GTPBP6: variants seen among roughly 807,000 people sequenced by gnomAD.
GTPBP6 encodes the protein putative GTP-binding protein 6.
Under a neutral mutation model 28.9 loss-of-function variants are expected in GTPBP6, and 33 were observed. That is an observed-to-expected ratio of 1.14 (90% CI 0.87 to 1.53). GTPBP6 has a LOEUF of 1.53. Among genes scored for constraint, GTPBP6 ranks in the 40% most tolerant of loss-of-function variants. GTPBP6 has a pLI of 0.00. For synonymous variants in GTPBP6, 231 were observed against 192.7 expected (o/e 1.20, Z -1.65); for missense variants, 507 against 408.3 (o/e 1.24, Z -2.08).
chrX:314,417 CGG>C (rs1340153189), intron 4 of GTPBP6, among the ~76,000 whole-genome samples, 200 bp from the exon 5 acceptor site: 1 of 151,698 alleles, frequency 6.6e-6, no homozygotes, highest in Non-Finnish European at 1.5e-5. Context: ...AGTGGGGAGC[CGG>C]GGGCAGGCAG....
intron 2 of GTPBP6, among the ~76,000 whole-genome samples, chrX:315,670 A>T (rs2070420081): frequency 2.1e-4 from 27 of 130,488 alleles, no homozygotes; most frequent in Admixed American, 3.0e-4. Context: ...ACATCCCGGC[A>T]GGGACACAAA....
At chrX:306,653 C>T (rs111497272) in intron 9 of GTPBP6, among the ~76,000 whole-genome samples, 1 of 146,644 alleles carries the variant, frequency 6.8e-6, no homozygotes, top group Non-Finnish European at 1.5e-5. Flanking sequence ...AGATTAGGCA[C>T]CTGTTGTATG....
At chrX:316,727 C>T (rs1224934005) in intron 2 of GTPBP6, among the ~76,000 whole-genome samples, 187 bp downstream of exon 2, 2 of 152,132 alleles carry the variant, frequency 1.3e-5, no homozygotes, top group Non-Finnish European at 2.9e-5. Flanking sequence ...AATCTCGACA[C>T]AGATAAAGCC....
exon 1 of GTPBP6, chrX:318,625 G>C (rs1177770406): frequency 2.0e-4 from 80 of 397,574 alleles, no homozygotes; most frequent in African/African-American, 1.5e-3. Flanking sequence ...CGCAGGCCCC[G>C]CCCTCCGCCC....
chrX:314,511 C>A (rs1006763401), intron 4 of GTPBP6, among the ~76,000 whole-genome samples: 71 of 151,606 alleles, frequency 4.7e-4, no homozygotes, highest in African/African-American at 1.7e-3. Context: ...CTCGCTCTGT[C>A]ACCCAGGCTG....
rs1269613629 is a variant in GTPBP6 at position 317,591 on chromosome X, C to A, written c.350-540G>T. Among the ~76,000 whole-genome samples the A allele has an allele frequency of 2.7e-5, 4 of 150,134 alleles. No individual in the cohort carries two copies. The East Asian group carries it at 7.8e-4, about 29-fold the overall frequency. Reference sequence around the variant, plus strand: ...GGGTGGGACTAGACACAGATTGGTCCGCTGGACGCCCTCCCTTCCCTGACC... The same window carrying A: ...GGGTGGGACTAGACACAGATTGGTCAGCTGGACGCCCTCCCTTCCCTGACC... On this transcript the variant is annotated intron_variant, in intron 1 of 9. Transcript: ENST00000326153.
intron 7 of GTPBP6, among the ~76,000 whole-genome samples, chrX:310,439 C>G (rs866494952): frequency 0.02 from 2,109 of 103,922 alleles, no homozygotes; most frequent in South Asian, 0.043. Context: ...CTGAAGTGAA[C>G]TGAACTGTGG....
intron 4 of GTPBP6, among the ~76,000 whole-genome samples, chrX:314,463 C>G (rs976581441): frequency 1.3e-5 from 2 of 151,388 alleles, no homozygotes; most frequent in Admixed American, 6.6e-5. Flanking sequence ...AGAGCCCACA[C>G]GGTGCTTTTC....
At position 307,699 on chromosome X, in the gene GTPBP6, G is replaced by A. The variant is rs761030729; in HGVS notation, c.1274+33C>T. 2.1e-5 allele frequency: 31 copies of A among 1,460,164 alleles called. 1 individual carries two copies. In the Middle Eastern group the frequency reaches 7.6e-4, roughly 36 times the overall value. 90.5% of individuals were successfully genotyped at this position (1,460,164 alleles called of 1,614,324 possible). A position where few individuals can be genotyped will look rare whatever the true frequency, so the allele number is the denominator to read the frequency against. On this transcript the variant is annotated intron_variant, in intron 8 of 9. Coordinates refer to ENST00000326153, the Ensembl canonical transcript of GTPBP6. The stretch of plus-strand genomic sequence containing the variant: ...CCCGGCTCCAGCGCGTGCAGGGGAA[G>A]GAGACGCTTGCGGACCCCAGGGCCG...
At chrX:304,968 G>A (rs2070122194) in exon 10 of GTPBP6, 2 of 1,520,874 alleles carry the variant, frequency 1.3e-6, no homozygotes, top group South Asian at 2.5e-5. Context: ...AACCAGACAA[G>A]GAGGACCCTG....
At chrX:317,775 A>C (rs1189465512) in intron 1 of GTPBP6, among the ~76,000 whole-genome samples, 2 of 131,528 alleles carry the variant, frequency 1.5e-5, no homozygotes, top group Admixed American at 8.1e-5. Context: ...TCCACCCCAT[A>C]AGCTCCGCCC....
At chrX:310,893 G>A (rs1423034993) in intron 7 of GTPBP6, among the ~76,000 whole-genome samples, 8 of 151,738 alleles carry the variant, frequency 5.3e-5, no homozygotes, top group Admixed American at 4.0e-4. Context: ...AGGCATCACC[G>A]TGCTGTGTCC....
intron 1 of GTPBP6, among the ~76,000 whole-genome samples, chrX:317,687 G>GTCCACCCAACCCCACCCCACCCCAC (rs1556036922): frequency 1.8e-5 from 1 of 54,512 alleles, no homozygotes. Context: ...AACCGCCCCG[G>GTCCACCCAACCCCACCCCACCCCAC]CCCACCCAAC....
chrX:317,007 C>G, exon 2 of GTPBP6: 1 of 398,588 alleles, frequency 2.5e-6, no homozygotes. Context: ...GACCAGCCGT[C>G]CAGCGTGTGC....
At chrX:308,317 T>G (rs1315261733) in intron 7 of GTPBP6, among the ~76,000 whole-genome samples, 3 of 150,668 alleles carry the variant, frequency 2.0e-5, no homozygotes, top group Non-Finnish European at 4.4e-5. Flanking sequence ...TTACACAAAA[T>G]TTGAAAAACA....
intron 7 of GTPBP6, among the ~76,000 whole-genome samples, chrX:309,131 G>T (rs1009052377): frequency 2.6e-5 from 4 of 152,244 alleles, no homozygotes; most frequent in Non-Finnish European, 4.4e-5. Flanking sequence ...TGGGACATTT[G>T]CTGCTTCTCC....
At chrX:308,856 C>G (rs1029137219) in intron 7 of GTPBP6, among the ~76,000 whole-genome samples, 1 of 150,354 alleles carries the variant, frequency 6.7e-6, no homozygotes, top group African/African-American at 2.5e-5. Context: ...GCCTCAGCCT[C>G]TCTTGAGTAG....
At chrX:314,295 G>C in intron 4 of GTPBP6, 78 bp from the exon 5 acceptor site, 2 of 1,219,520 alleles carry the variant, frequency 1.6e-6, no homozygotes, top group Non-Finnish European at 2.4e-6. Context: ...AAGGTGAAGG[G>C]GGCACTGAGC....
rs2070299137 is a variant in GTPBP6 at position 311,541 on chromosome X, G to C, written c.1003C>G (p.His335Asp). ...ATGCGTGAGGGCAGCGTGCCCGCGTGGGCCGTGACGTCCAGCGTGGCAAAC... is the reference window on the plus strand; with the variant it reads ...ATGCGTGAGGGCAGCGTGCCCGCGTCGGCCGTGACGTCCAGCGTGGCAAAC... The change falls in exon 7 of 10, where the codon CAC becomes GAC. Residue 335 changes from histidine (H) to aspartate (D), a missense_variant. By Grantham distance (81) the His-to-Asp change is moderately conservative. Transcript: ENST00000326153. 8 of 1,612,152 alleles carry C rather than the reference G, an allele frequency of 5.0e-6. No individual in the cohort carries two copies. The Admixed American group carries it at 5.0e-5, about 10-fold the overall frequency.
Sources: gnomAD v4.1 joint callset for allele counts (sites outside exome capture counted in the v4.1 genomes callset) on GRCh38, gnomAD v4.1.1 for gene constraint, MANE v1.5 for transcripts, NCBI Gene and HGNC (gene_info 2026-07-23, HGNC 2026-07-21) for gene names.